Variants in MX1 observed in about 807,000 individuals in gnomAD.
MX1 encodes interferon-induced GTP-binding protein Mx1.
In MX1, 66 loss-of-function variants were observed where a neutral mutation model predicts 66.4. That is an observed-to-expected ratio of 0.99 (90% CI 0.82 to 1.22). The LOEUF (loss-of-function observed/expected upper bound fraction) is 1.22, where lower values mean the gene tolerates loss of function less well. Among genes scored for constraint, MX1 ranks in the 50% most tolerant of loss-of-function variants. MX1 has a pLI of 0.00. For synonymous variants in MX1, 311 were observed against 318.1 expected, an observed-to-expected ratio of 0.98 and a Z score of 0.24; for missense variants, 787 against 834.3, an observed-to-expected ratio of 0.94 and a Z score of 0.70.
intron 16 of MX1, among the ~76,000 whole-genome samples, chr21:41,456,171 G>A (rs1270823907): frequency 6.6e-6 from 1 of 152,214 alleles, no homozygotes; most frequent in Non-Finnish European, 1.5e-5. Context: ...TCGAACCTGG[G>A]AGGCAGAGGT....
At chr21:41,440,583 G>A (rs1243630988) in intron 8 of MX1, among the ~76,000 whole-genome samples, 1 of 152,168 alleles carries the variant, frequency 6.6e-6, no homozygotes, top group East Asian at 1.9e-4. Context: ...GTGAAGTGGG[G>A]TTTTTTGGCC....
At chr21:41,452,189 G>A (rs2090849575) in intron 15 of MX1, among the ~76,000 whole-genome samples, 1 of 152,144 alleles carries the variant, frequency 6.6e-6, no homozygotes, top group African/African-American at 2.4e-5. Context: ...TCCTCCTCAG[G>A]TTTTGGCAAC....
upstream of MX1, among the ~76,000 whole-genome samples, chr21:41,422,503 G>A (rs2090003877): frequency 6.6e-6 from 1 of 152,198 alleles, no homozygotes; most frequent in African/African-American, 2.4e-5. Flanking sequence ...CAGCCTGGCA[G>A]AGGGACAGGC....
Position 41,431,726 on chromosome 21 carries a change from A to G in MX1, c.-21-324A>G, listed in dbSNP as rs1340389680. 9 of 220,888 alleles carry G rather than the reference A, an allele frequency of 4.1e-5. No homozygotes were observed. The East Asian group carries it at 1.1e-3, about 26-fold the overall frequency. 13.7% of individuals were successfully genotyped at this position (220,888 alleles called of 1,614,324 possible). On this transcript the variant is annotated intron_variant, in intron 4 of 16. Coordinates refer to ENST00000398598, the MANE Select transcript of MX1 (RefSeq NM_002462.5). ...CCTGACCTCATGATCTACCTGCCTCAGCCTCCCAAAGTGCTGAGATTACAG... is the reference window on the plus strand; with the variant it reads ...CCTGACCTCATGATCTACCTGCCTCGGCCTCCCAAAGTGCTGAGATTACAG...
At chr21:41,445,659 C>G (rs888391454) in intron 12 of MX1, 89 bp downstream of exon 12, 2 of 1,540,394 alleles carry the variant, frequency 1.3e-6, no homozygotes, top group Non-Finnish European at 8.8e-7. Context: ...TTCTTCACTC[C>G]CCCAAGGCTG....
chr21:41,449,128 C>T lies in MX1; in HGVS notation c.1274-9C>T. The stretch of plus-strand genomic sequence containing the variant: ...AAAATAATTTAGAGGGTTTTTTTTC[C>T]TGCTATAGGCCATAAAATTTTGAGT... On this transcript the variant is annotated splice_polypyrimidine_tract_variant and intron_variant, in intron 13 of 16. Transcript: ENST00000398598. The T allele has an allele frequency of 5.1e-6, 8 of 1,558,752 alleles. No homozygotes were observed. Among genetic ancestry groups the T allele is most frequent in the Admixed American group, 4.2e-5 (2 of 47,494 alleles).
At chr21:41,433,093 C>G (rs1476900653) in intron 5 of MX1, among the ~76,000 whole-genome samples, 1 of 152,194 alleles carries the variant, frequency 6.6e-6, no homozygotes, top group African/African-American at 2.4e-5. Context: ...TCAAGGAGAA[C>G]AGAGTGTGTC....
intron 13 of MX1, 93 bp from the exon 14 acceptor site, chr21:41,449,044 T>C: frequency 8.1e-7 from 1 of 1,241,612 alleles, no homozygotes. Context: ...TTGCCATTTA[T>C]ATTTTCAGAA....
intron 15 of MX1, 133 bp downstream of exon 15, chr21:41,451,376 C>G: frequency 1.5e-6 from 1 of 688,880 alleles, no homozygotes; most frequent in South Asian, 1.7e-5. Context: ...ACATCACTCA[C>G]TAGTGCTTCT....
chr21:41,444,958 C>A (rs1047971588), intron 11 of MX1, among the ~76,000 whole-genome samples: 2 of 152,072 alleles, frequency 1.3e-5, no homozygotes, highest in Admixed American at 6.5e-5. Flanking sequence ...TAGATGTTTG[C>A]CGTGGAAGGG....
chr21:41,455,421 C>T (rs1202550453), intron 16 of MX1, among the ~76,000 whole-genome samples: 1 of 152,146 alleles, frequency 6.6e-6, no homozygotes, highest in African/African-American at 2.4e-5. Flanking sequence ...CCACTGCCTC[C>T]TAGAATGAAC....
Position 41,441,282 on chromosome 21 carries a change from G to C in MX1, c.730+257G>C. ...CAGGTTTGGTGCCCACCAAGGCCAA[G>C]TGAAATGAGCTGCTTTTGACTCTCA... On this transcript the variant is annotated intron_variant, in intron 9 of 16. Coordinates refer to ENST00000398598, the MANE Select transcript of MX1 (RefSeq NM_002462.5). The surrounding 1 kb of genome is among the most constrained non-coding windows in gnomAD (Gnocchi z 4.0). 2.0e-6 allele frequency: 1 copy of C among 496,122 alleles called. No homozygotes were observed. The highest frequency in any genetic ancestry group is 2.5e-5 in the South Asian group (1 of 39,782). 30.7% of individuals were successfully genotyped at this position (496,122 alleles called of 1,614,324 possible). A position where few individuals can be genotyped will look rare whatever the true frequency, so the allele number is the denominator to read the frequency against.
chr21:41,443,815 G>A lies in MX1; in HGVS notation c.957G>A (p.Thr319=), dbSNP rs756477337. The A allele has an allele frequency of 1.4e-5, 22 of 1,614,102 alleles. No individual in the cohort carries two copies. Among genetic ancestry groups the A allele is most frequent in the South Asian group, 4.4e-5 (4 of 91,084 alleles). ...ATCTGCTGGAGGAAGGAAAGGCCAC[G>A]GTTCCCTGCCTGGCAGAAAAACTTA... ...FRDLLEEGKA[T]VPCLAEKLTS... is the part of the protein sequence containing the mutation. Residue 319 remains threonine (T), a synonymous_variant, in exon 11 of 17, where the codon ACG becomes ACA. Transcript: ENST00000398598.
At chr21:41,440,610 A>AC (rs1454743618) in intron 8 of MX1, among the ~76,000 whole-genome samples, 38 of 152,184 alleles carry the variant, frequency 2.5e-4, no homozygotes, top group African/African-American at 8.7e-4. Flanking sequence ...TTTCATTGTG[A>AC]CCATCAGATC....
At chr21:41,439,600 C>A (rs1003544184) in intron 7 of MX1, 94 bp from the exon 8 acceptor site, 2 of 1,208,880 alleles carry the variant, frequency 1.7e-6, no homozygotes, top group Non-Finnish European at 2.4e-6. Flanking sequence ...CCATGACTCG[C>A]AGAGAGGAGA....
Position 41,448,930 on chromosome 21 carries a change from TTGTGTGTGTG to T in MX1, c.1274-167_1274-158del, listed in dbSNP as rs10528033. Reference sequence around the variant, plus strand: ...AGGAAAATTATCTTCAGATCTGGTTTTGTGTGTGTGTGTGTGTGTGTGTGTGTGTGTGTGT... The same window carrying T: ...AGGAAAATTATCTTCAGATCTGGTTTTGTGTGTGTGTGTGTGTGTGTGTGT... On this transcript the variant is annotated intron_variant, in intron 13 of 16. Transcript: ENST00000398598. Among the ~76,000 whole-genome samples the T allele has an allele frequency of 4.0e-3, 558 of 139,596 alleles. 5 individuals are homozygous for T. Among genetic ancestry groups the T allele is most frequent in the African/African-American group, 8.5e-3 (325 of 38,270 alleles). 91.6% of individuals were successfully genotyped at this position (139,596 alleles called of 152,430 possible). A position where few individuals can be genotyped will look rare whatever the true frequency, so the allele number is the denominator to read the frequency against.
chr21:41,431,722 C>A, intron 4 of MX1: 1 of 219,164 alleles, frequency 4.6e-6, no homozygotes, highest in Non-Finnish European at 9.3e-6. Flanking sequence ...GATCTACCTG[C>A]CTCAGCCTCC....
At chr21:41,444,813 G>A (rs1340956946) in intron 11 of MX1, among the ~76,000 whole-genome samples, 3 of 152,020 alleles carry the variant, frequency 2.0e-5, no homozygotes, top group Non-Finnish European at 2.9e-5. Flanking sequence ...TGGCTGAGCC[G>A]GGCTTCATTG....
chr21:41,452,843 T>A lies in MX1; in HGVS notation c.1732T>A (p.Phe578Ile). 1 of 1,614,188 alleles carries A rather than the reference T, an allele frequency of 6.2e-7. No homozygotes were observed. The stretch of plus-strand genomic sequence containing the variant: ...AACAGACTCTTCCATGGAGGAGATC[T>A]TTCAGCACCTGATGGCCTATCACCA... ...SATDSSMEEI[F>I]QHLMAYHQEA... The change falls in exon 16 of 17, where the codon TTT becomes ATT. Residue 578 changes from phenylalanine (F) to isoleucine (I), a missense_variant. Phe to Ile is a conservative substitution (Grantham distance 21). Transcript: ENST00000398598.
Sources: gnomAD v4.1 joint callset for allele counts (sites outside exome capture counted in the v4.1 genomes callset) on GRCh38, gnomAD v4.1.1 for gene constraint, Gnocchi (gnomAD v3.1) non-coding constraint, MANE v1.5 for transcripts, NCBI Gene and HGNC (gene_info 2026-07-23, HGNC 2026-07-21) for gene names.